Variants in SLC47A1 observed in about 807,000 individuals in gnomAD.
The protein encoded by SLC47A1 is solute carrier family 47 member 1.
SLC47A1 carries 58 observed loss-of-function variants against 65.8 expected under a neutral mutation model. The ratio of observed to expected loss-of-function variants is 0.88; its 90% CI spans 0.71 to 1.10. The LOEUF (loss-of-function observed/expected upper bound fraction) is 1.10. Among genes scored for constraint, SLC47A1 ranks in the 50% least tolerant of loss-of-function variants. The pLI is 0.00. For synonymous variants in SLC47A1, 285 were observed against 295.0 expected, an observed-to-expected ratio of 0.97 and a Z score of 0.35; for missense variants, 706 against 719.2, an observed-to-expected ratio of 0.98 and a Z score of 0.21.
intron 14 of SLC47A1, among the ~76,000 whole-genome samples, chr17:19,568,473 A>C (rs1266169542): frequency 6.6e-6 from 1 of 152,238 alleles, no homozygotes; most frequent in African/African-American, 2.4e-5. Flanking sequence ...AAATTATTGC[A>C]ACGTGCAATC....
intron 12 of SLC47A1, among the ~76,000 whole-genome samples, chr17:19,565,108 A>G (rs936729601): frequency 6.6e-5 from 10 of 152,314 alleles, no homozygotes; most frequent in African/African-American, 2.2e-4. Context: ...AACTCACTCC[A>G]AGGGTGTTGT....
chr17:19,557,910 AAAAAG>A (rs1299190504), intron 10 of SLC47A1: 1 of 196,548 alleles, frequency 5.1e-6, no homozygotes, highest in South Asian at 7.6e-5. Context: ...AAAAAAAAAA[AAAAAG>A]ATTCATAAAA....
Position 19,555,921 on chromosome 17 carries a change from G to A in SLC47A1, c.853+12G>A. The A allele has an allele frequency of 1.2e-6, 2 of 1,614,108 alleles. No homozygotes were observed. The highest frequency in any genetic ancestry group is 1.7e-6 in the Non-Finnish European group (2 of 1,180,016). ...GAGCTTCCTCAGTGGTCTGTATGAG[G>A]ATGGATGACGGGGACTGGTGGGAAC... On this transcript the variant is annotated intron_variant, in intron 9 of 16. Transcript: ENST00000270570.
At position 19,560,098 on chromosome 17, in the gene SLC47A1, C is replaced by T. The variant is rs555814403; in HGVS notation, c.922-90C>T. Reference sequence around the variant, plus strand: ...CAAAACTTTTAGGACCAAGTTTTCCCACCAGGTGTGAGGCATGAGGCTGCT... The same window carrying T: ...CAAAACTTTTAGGACCAAGTTTTCCTACCAGGTGTGAGGCATGAGGCTGCT... On this transcript the variant is annotated intron_variant, in intron 10 of 16. Coordinates refer to ENST00000270570, the MANE Select transcript of SLC47A1 (RefSeq NM_018242.3). 34 of 908,850 alleles carry T rather than the reference C, an allele frequency of 3.7e-5. No homozygotes were observed. The South Asian group carries it at 4.9e-4, about 13-fold the overall frequency. The allele number at this position is 908,850 out of a possible 1,614,324, so 56.3% of individuals were successfully genotyped here.
In SLC47A1 at chr17:19,577,354, TAACG is replaced by T. The variant is rs1392151287; in HGVS notation, c.1520_1523del (p.Asn507MetfsTer48). On this transcript the variant is annotated frameshift_variant, in exon 17 of 17. Coordinates refer to ENST00000270570, the MANE Select transcript of SLC47A1 (RefSeq NM_018242.3). LOFTEE classifies it low-confidence loss of function (END_TRUNC). ...TGCCCTGAAAACCTTGAAGGAATTT[TAACG>T]AACGATGTTGGAAAGACAGGCGAGC... 1.2e-6 allele frequency: 2 copies of T among 1,614,180 alleles called. No homozygotes were observed. Among genetic ancestry groups the T allele is most frequent in the East Asian group, 4.5e-5 (2 of 44,880 alleles).
intron 12 of SLC47A1, among the ~76,000 whole-genome samples, chr17:19,566,269 CAT>C (rs910579584): frequency 1.3e-5 from 2 of 152,196 alleles, no homozygotes; most frequent in African/African-American, 4.8e-5. Flanking sequence ...GGACTTGAAA[CAT>C]ATCTCTTGAA....
intron 5 of SLC47A1, among the ~76,000 whole-genome samples, chr17:19,550,077 C>T (rs1312377071): frequency 6.6e-6 from 1 of 152,220 alleles, no homozygotes; most frequent in Non-Finnish European, 1.5e-5. Context: ...TTTGACACAG[C>T]AGTGTGTGGC....
Position 19,555,876 on chromosome 17 carries a change from TGGTGGGCCTATGAGGTC to T in SLC47A1, c.823_839del (p.Trp275GlufsTer20). 1.2e-6 allele frequency: 2 copies of T among 1,613,470 alleles called. No homozygotes were observed. Among genetic ancestry groups the T allele is most frequent in the Non-Finnish European group, 1.7e-6 (2 of 1,179,920 alleles). Reference sequence around the variant, plus strand: ...CAGCATGCTCATGCTGTGCATGGAGTGGTGGGCCTATGAGGTCGGGAGCTTCCTCAGTGGTCTGTATG... The same window carrying T: ...CAGCATGCTCATGCTGTGCATGGAGTGGGAGCTTCCTCAGTGGTCTGTATG... On this transcript the variant is annotated frameshift_variant, in exon 9 of 17. Coordinates refer to ENST00000270570, the MANE Select transcript of SLC47A1 (RefSeq NM_018242.3). LOFTEE classifies it high-confidence loss of function.
chr17:19,559,617 C>T (rs1270950411), intron 10 of SLC47A1, among the ~76,000 whole-genome samples: 2 of 152,138 alleles, frequency 1.3e-5, no homozygotes, highest in African/African-American at 2.4e-5. Flanking sequence ...CTGCAACCTC[C>T]GCCTCCCAGG....
intron 3 of SLC47A1, chr17:19,547,176 C>T (rs773703134): frequency 6.6e-6 from 1 of 152,370 alleles, no homozygotes; most frequent in African/African-American, 2.4e-5. Context: ...CTCAGCCTCT[C>T]AAGTACCTGG....
intron 16 of SLC47A1, among the ~76,000 whole-genome samples, chr17:19,575,297 T>C (rs1266054495): frequency 2.0e-5 from 3 of 152,146 alleles, no homozygotes; most frequent in Admixed American, 6.6e-5. Context: ...CATCCACTTA[T>C]GCTCATTAGG....
At chr17:19,549,897 A>G (rs1700888617) in intron 5 of SLC47A1, among the ~76,000 whole-genome samples, 1 of 152,244 alleles carries the variant, frequency 6.6e-6, no homozygotes, top group South Asian at 2.1e-4. Context: ...CGTCTGGAGT[A>G]GAGCTGGAGA....
At chr17:19,566,953 T>C (rs772221693) in intron 13 of SLC47A1, 94 bp downstream of exon 13, 141 of 1,586,844 alleles carry the variant, frequency 8.9e-5, no homozygotes, top group Admixed American at 1.2e-4. Context: ...GGTAGGAAGA[T>C]TGAATATTGT....
chr17:19,576,638 C>T (rs2084442125), intron 16 of SLC47A1, among the ~76,000 whole-genome samples: 1 of 152,116 alleles, frequency 6.6e-6, no homozygotes, highest in African/African-American at 2.4e-5. Context: ...TGAGCCATCG[C>T]ACCCAGACTT....
At chr17:19,572,741 A>G (rs1006173516) in intron 15 of SLC47A1, 39 bp from the exon 16 acceptor site, 1 of 1,587,448 alleles carries the variant, frequency 6.3e-7, no homozygotes, top group Admixed American at 1.7e-5. Context: ...CCATATTAAC[A>G]CTATTGTGAA....
rs183371542 is a variant in SLC47A1 at position 19,569,010 on chromosome 17, G to A, written c.1309+1782G>A. Among the ~76,000 whole-genome samples, 729 of 152,070 alleles carry A rather than the reference G, an allele frequency of 4.8e-3. 3 individuals are homozygous for A. The highest frequency in any genetic ancestry group is 5.5e-3 in the Non-Finnish European group (374 of 67,982). On this transcript the variant is annotated intron_variant, in intron 14 of 16. Transcript: ENST00000270570. Reference sequence around the variant, plus strand: ...AAGTATCTGGGATTACAGGCATGAGGAACCTGCTTTGAAATATAAATCCAT... The same window carrying A: ...AAGTATCTGGGATTACAGGCATGAGAAACCTGCTTTGAAATATAAATCCAT...
chr17:19,563,751 G>A lies in SLC47A1; in HGVS notation c.1107-3039G>A, dbSNP rs1358442692. Among the ~76,000 whole-genome samples the A allele has an allele frequency of 3.3e-5, 5 of 151,896 alleles. No homozygotes were observed. In the East Asian group the frequency reaches 9.8e-4, roughly 30 times the overall value. On this transcript the variant is annotated intron_variant, in intron 12 of 16. Coordinates refer to ENST00000270570, the MANE Select transcript of SLC47A1 (RefSeq NM_018242.3). The stretch of plus-strand genomic sequence containing the variant: ...CGCCTGTAATCCCAGCACTTTGGGA[G>A]GCCGAGGTGGGTAGATCACGAGGTC...
chr17:19,548,430 T>C (rs544802260), intron 4 of SLC47A1, among the ~76,000 whole-genome samples: 10 of 152,264 alleles, frequency 6.6e-5, no homozygotes, highest in African/African-American at 2.4e-4. Context: ...TTGACCTTCG[T>C]TGATATTAAA....
intron 16 of SLC47A1, among the ~76,000 whole-genome samples, chr17:19,575,785 G>C (rs1275408640): frequency 6.6e-6 from 1 of 152,110 alleles, no homozygotes; most frequent in African/African-American, 2.4e-5. Context: ...TGAAGGAGAA[G>C]CTATCCCCTT....
Sources: gnomAD v4.1 joint callset for allele counts (sites outside exome capture counted in the v4.1 genomes callset) on GRCh38, gnomAD v4.1.1 for gene constraint, MANE v1.5 for transcripts, NCBI Gene and HGNC (gene_info 2026-07-23, HGNC 2026-07-21) for gene names.